The following CYB5R3 variants were observed in gnomAD, a reference collection of about 807,000 sequenced individuals.
CYB5R3 encodes cytochrome b5 reductase 3, also known as NADH-cytochrome b5 reductase 3.
Under a neutral mutation model 36.5 loss-of-function variants are expected in CYB5R3, and 28 were observed. The ratio of observed to expected loss-of-function variants is 0.77; its 90% CI spans 0.57 to 1.05. The LOEUF is 1.05. CYB5R3 is among the 50% of genes least tolerant of loss of function. The pLI is 0.00. For synonymous variants in CYB5R3, 181 were observed against 159.8 expected (o/e 1.13, Z -1.00); for missense variants, 474 against 408.9 (o/e 1.16, Z -1.37).
At chr22:42,641,221 A>G (rs907622430) in intron 1 of CYB5R3, among the ~76,000 whole-genome samples, 3 of 152,228 alleles carry the variant, frequency 2.0e-5, no homozygotes, top group African/African-American at 7.2e-5. Context: ...TATATAATAC[A>G]TACAATATAC....
At chr22:42,639,771 C>A in intron 1 of CYB5R3, 4 of 626,832 alleles carry the variant, frequency 6.4e-6, no homozygotes, top group Non-Finnish European at 1.1e-5. Context: ...GGCAAAGGGG[C>A]AACTTACTCT....
chr22:42,621,093 A>T (rs1927937419), intron 8 of CYB5R3, among the ~76,000 whole-genome samples: 1 of 152,190 alleles, frequency 6.6e-6, no homozygotes, highest in East Asian at 1.9e-4. Flanking sequence ...ATCTGAAAGT[A>T]CCTTGTAAAA....
intron 8 of CYB5R3, among the ~76,000 whole-genome samples, chr22:42,622,464 A>AG (rs1928033186): frequency 6.6e-6 from 1 of 152,106 alleles, no homozygotes. Context: ...GCCGACCTGG[A>AG]GGGGGTGGGC....
intron 8 of CYB5R3, among the ~76,000 whole-genome samples, chr22:42,620,513 C>T (rs968476367): frequency 1.3e-5 from 2 of 152,138 alleles, no homozygotes; most frequent in East Asian, 1.9e-4. Flanking sequence ...CCTGCCCCCT[C>T]GAGCCCTGAG....
chr22:42,645,891 T>A (rs6002852), intron 1 of CYB5R3, among the ~76,000 whole-genome samples: 45,152 of 151,836 alleles, frequency 0.3, 6,961 homozygotes, highest in East Asian at 0.58. Context: ...AGGTCCCATG[T>A]GCAACGCAGG....
In CYB5R3 at chr22:42,630,932, T is replaced by C; in HGVS notation, c.283A>G (p.Thr95Ala). 6.2e-7 allele frequency: 1 copy of C among 1,614,002 alleles called. No individual in the cohort carries two copies. Among genetic ancestry groups the C allele is most frequent in the Non-Finnish European group, 8.5e-7 (1 of 1,179,976 alleles). ...IDGNLVVRPY[T>A]PISSDDDKGF... ...TTGTCATCATCGCTGGAGATGGGTG[T>C]ATAGGGCCGGACGACCAGGTTTCCA... is the stretch of plus-strand genomic sequence containing the variant. The change falls in exon 4 of 9, where the codon ACA (threonine) becomes GCA (alanine). Residue 95 changes from threonine (T) to alanine (A), a missense_variant. Physicochemically the swap from Thr to Ala is moderately conservative, Grantham distance 58 (BLOSUM62 0). Transcript: ENST00000352397.
intron 4 of CYB5R3, among the ~76,000 whole-genome samples, chr22:42,629,529 C>T (rs918930956): frequency 1.3e-5 from 2 of 152,210 alleles, no homozygotes; most frequent in Non-Finnish European, 2.9e-5. Context: ...GTCCGTCCTC[C>T]AGCCAAAGAC....
Position 42,619,730 on chromosome 22 carries a change from G to A in CYB5R3, c.*43C>T, listed in dbSNP as rs375561330. ...GTGACTGGGTGAGCGTGAACAGGGC[G>A]TGGGGTGCGCGGGGCGGGTGGCCGT... On this transcript the variant is annotated 3_prime_UTR_variant, in exon 9 of 9. Transcript: ENST00000352397. 3.2e-4 allele frequency: 495 copies of A among 1,530,024 alleles called. 4 individuals carry two copies. The South Asian group carries it at 4.4e-3, about 14-fold the overall frequency. 94.8% of individuals were successfully genotyped at this position (1,530,024 alleles called of 1,614,324 possible).
chr22:42,631,050 T>C, intron 3 of CYB5R3, 62 bp from the exon 4 acceptor site: 1 of 1,441,010 alleles, frequency 6.9e-7, no homozygotes, highest in Non-Finnish European at 9.7e-7. Context: ...CCCTGGGTCT[T>C]GTCAACCCAC....
Position 42,623,814 on chromosome 22 carries a change from C to T in CYB5R3, c.708G>A (p.Trp236Ter), listed in dbSNP as rs763259379. The change falls in exon 8 of 9, where the codon TGG becomes TGA. Residue 236 changes from tryptophan (W) to a stop codon, truncating the protein, a stop_gained. Transcript: ENST00000352397. LOFTEE classifies it high-confidence loss of function. ...RNKHSARFKL[W>*]YTLDRAPEAW... ...CTTCAGGGGCTCTGTCCAGCGTGTA[C>T]CAGAGCTTGAAGCGTGCAGAATGTT... 6 of 1,613,998 alleles carry T rather than the reference C, an allele frequency of 3.7e-6. No homozygotes were observed. In the South Asian group the frequency reaches 5.5e-5, roughly 15 times the overall value.
Position 42,627,791 on chromosome 22 carries a change from C to T in CYB5R3, c.464-103G>A, listed in dbSNP as rs570283611. The stretch of plus-strand genomic sequence containing the variant: ...GAGAACCTGCCCCCACTGTGAGGTC[C>T]GAGGTAGAGGCAGCTGCCATTCTAA... On this transcript the variant is annotated intron_variant, in intron 5 of 8. Transcript: ENST00000352397. 7.3e-5 allele frequency: 64 copies of T among 881,694 alleles called. 1 individual carries two copies. Among genetic ancestry groups the T allele is most frequent in the Middle Eastern group, 2.1e-4 (1 of 4,694 alleles). 54.6% of individuals were successfully genotyped at this position (881,694 alleles called of 1,614,324 possible).
intron 7 of CYB5R3, 90 bp from the exon 8 acceptor site, chr22:42,623,978 C>T (rs1021858721): frequency 1.1e-5 from 12 of 1,134,708 alleles, no homozygotes; most frequent in African/African-American, 4.6e-5. Context: ...TCATCGCGCC[C>T]GCCTGCGGGC....
chr22:42,647,863 CA>C lies in CYB5R3; in HGVS notation c.21+1431del, dbSNP rs555600961. Among the ~76,000 whole-genome samples the C allele has an allele frequency of 3.4e-3, 521 of 151,846 alleles. 1 individual carries two copies. The highest frequency in any genetic ancestry group is 6.4e-3 in the Non-Finnish European group (432 of 67,924). ...TACTGTCTGGGTGAGAGACTCTTCT[CA>C]AAAAAGAAAAAAGAAAAAAGAAATG... On this transcript the variant is annotated intron_variant, in intron 1 of 8. Transcript: ENST00000352397.
intron 2 of CYB5R3, among the ~76,000 whole-genome samples, chr22:42,635,571 C>A (rs1928849903): frequency 6.6e-6 from 1 of 152,082 alleles, no homozygotes; most frequent in African/African-American, 2.4e-5. Context: ...TATTTTTTTG[C>A]TTCTCTCTGG....
chr22:42,625,754 G>A (rs1294478560), intron 7 of CYB5R3, among the ~76,000 whole-genome samples: 2 of 152,154 alleles, frequency 1.3e-5, no homozygotes, highest in African/African-American at 2.4e-5. Flanking sequence ...GGTTCTCGGA[G>A]TGTAGCATGG....
intron 1 of CYB5R3, chr22:42,640,111 T>C (rs751647818): frequency 6.2e-7 from 1 of 1,613,908 alleles, no homozygotes; most frequent in South Asian, 1.1e-5. Flanking sequence ...ACTGACTATT[T>C]TTTTCAGGCT....
intron 4 of CYB5R3, among the ~76,000 whole-genome samples, chr22:42,629,988 C>T (rs751837690): frequency 5.9e-5 from 9 of 152,038 alleles, no homozygotes; most frequent in African/African-American, 9.7e-5. Context: ...TTAGTAGAGA[C>T]GGGGTTTCTC....
At chr22:42,642,281 T>G (rs1198740425) in intron 1 of CYB5R3, among the ~76,000 whole-genome samples, 2 of 151,888 alleles carry the variant, frequency 1.3e-5, no homozygotes, top group Non-Finnish European at 2.9e-5. Context: ...CTTGGTAATT[T>G]TTTTGTATTT....
chr22:42,639,278 C>T (rs541534431), intron 1 of CYB5R3, among the ~76,000 whole-genome samples: 34 of 148,944 alleles, frequency 2.3e-4, no homozygotes, highest in Non-Finnish European at 3.6e-4. Context: ...GAGCTGAGAT[C>T]GTGCCACTGC....
Sources: gnomAD v4.1 joint callset for allele counts (sites outside exome capture counted in the v4.1 genomes callset) on GRCh38, gnomAD v4.1.1 for gene constraint, MANE v1.5 for transcripts, NCBI Gene and HGNC (gene_info 2026-07-23, HGNC 2026-07-21) for gene names.